Variants in RBFOX1 observed in about 807,000 individuals in gnomAD.
RBFOX1 encodes the protein RNA binding protein fox-1 homolog 1.
In RBFOX1, 8 loss-of-function variants were observed where a neutral mutation model predicts 57.7. The observed-to-expected ratio is 0.14, with a 90% confidence interval of 0.08 to 0.25. RBFOX1 has a LOEUF of 0.25. Ranked by LOEUF, RBFOX1 falls within the 10% of genes least tolerant of loss-of-function variation. RBFOX1 has a pLI of 1.00. For synonymous variants in RBFOX1, 326 were observed against 222.4 expected (o/e 1.47, Z -4.15); for missense variants, 611 against 548.5 (o/e 1.11, Z -1.14).
At chr16:5,696,453 A>G (rs1179338479) in intron 3 of RBFOX1, among the ~76,000 whole-genome samples, 1 of 152,204 alleles carries the variant, frequency 6.6e-6, no homozygotes, top group East Asian at 1.9e-4. Context: ...TACTTATTCA[A>G]GGCTGTAAGA....
At chr16:6,266,634 AACC>A (rs2074535061) in intron 1 of RBFOX1, among the ~76,000 whole-genome samples, 1 of 151,960 alleles carries the variant, frequency 6.6e-6, no homozygotes, top group African/African-American at 2.4e-5. Flanking sequence ...GAGTCCCTTG[AACC>A]CAGGAGGCGA....
intron 3 of RBFOX1, among the ~76,000 whole-genome samples, chr16:7,004,332 A>C (rs746260940): frequency 2.6e-5 from 4 of 152,158 alleles, no homozygotes; most frequent in African/African-American, 9.7e-5. Context: ...TTGTGTATTA[A>C]ACTCCTCAAC....
rs115585118 is a variant in RBFOX1 at position 6,196,744 on chromosome 16, A to C, written c.-126-120251A>C. On this transcript the variant is annotated intron_variant, in intron 1 of 15. Coordinates refer to ENST00000550418, the MANE Select transcript of RBFOX1 (RefSeq NM_018723.4). ...AGGCAATTTATCCTTAATACAAGCG[A>C]TATAAATGGGGCTATGCAATCCTTA... is the stretch of plus-strand genomic sequence containing the variant. Among the ~76,000 whole-genome samples the C allele has an allele frequency of 3.2e-3, 479 of 151,554 alleles. 1 individual carries two copies. Among genetic ancestry groups the C allele is most frequent in the African/African-American group, 0.01 (427 of 41,338 alleles).
intron 3 of RBFOX1, among the ~76,000 whole-genome samples, chr16:6,917,143 AC>A (rs763367054): frequency 5.9e-5 from 9 of 152,078 alleles, no homozygotes; most frequent in Non-Finnish European, 1.0e-4. Flanking sequence ...GAGCCACTGT[AC>A]CCAGCCTGCA....
chr16:7,156,799 C>G (rs542387669), intron 4 of RBFOX1, among the ~76,000 whole-genome samples: 1 of 152,158 alleles, frequency 6.6e-6, no homozygotes, highest in South Asian at 2.1e-4. Flanking sequence ...ACTTCTATCT[C>G]TCTGTACTTG....
intron 1 of RBFOX1, among the ~76,000 whole-genome samples, chr16:6,069,534 A>T (rs990327278): frequency 6.6e-6 from 1 of 151,904 alleles, no homozygotes; most frequent in Non-Finnish European, 1.5e-5. Context: ...GATAAACAAG[A>T]TTAATTTTGG....
In RBFOX1 at chr16:5,425,395, C is replaced by T. The variant is rs183922937; in HGVS notation, c.220-41821C>T. Among the ~76,000 whole-genome samples, 11 of 152,228 alleles carry T rather than the reference C, an allele frequency of 7.2e-5. No homozygotes were observed. In the East Asian group the frequency reaches 9.7e-4, roughly 13 times the overall value. On this transcript the variant is annotated intron_variant, in intron 1 of 2. Transcript: ENST00000585867. ...CTGGGATTACAGGCATGAGCCACCG[C>T]GCCCGGCCAGCATGTGTGTTTTCTA...
At chr16:6,526,146 A>G (rs750995447) in intron 2 of RBFOX1, among the ~76,000 whole-genome samples, 3 of 152,246 alleles carry the variant, frequency 2.0e-5, no homozygotes, top group African/African-American at 7.2e-5. Context: ...ATGCAATTCA[A>G]TAAACATCCA....
chr16:7,222,148 C>T (rs55845449), intron 4 of RBFOX1, among the ~76,000 whole-genome samples: 58,399 of 151,596 alleles, frequency 0.39, 11,709 homozygotes, highest in East Asian at 0.67. Flanking sequence ...TTCGTTGTTT[C>T]AAAAGCCCAG....
chr16:7,297,224 T>G (rs899092728), intron 4 of RBFOX1, among the ~76,000 whole-genome samples: 1 of 152,214 alleles, frequency 6.6e-6, no homozygotes, highest in Non-Finnish European at 1.5e-5. Context: ...TTTCCACATC[T>G]TCCTGCTTTA....
chr16:6,021,364 A>T (rs4786074), intron 1 of RBFOX1, among the ~76,000 whole-genome samples: 2 of 152,022 alleles, frequency 1.3e-5, no homozygotes, highest in Admixed American at 1.3e-4. Flanking sequence ...GAGAAAAAAA[A>T]GATGAGAGGG....
intron 4 of RBFOX1, among the ~76,000 whole-genome samples, chr16:5,878,672 C>G (rs1170493481): frequency 6.6e-6 from 1 of 151,788 alleles, no homozygotes; most frequent in African/African-American, 2.4e-5. Context: ...TCCCACTTAC[C>G]TCACCGGAAT....
intron 3 of RBFOX1, among the ~76,000 whole-genome samples, chr16:6,662,469 C>T (rs1001911040): frequency 6.6e-6 from 1 of 152,130 alleles, no homozygotes; most frequent in African/African-American, 2.4e-5. Context: ...AAGAGGAACA[C>T]ATTTTCCTGC....
At chr16:5,923,926 G>A (rs1017509281) in intron 4 of RBFOX1, among the ~76,000 whole-genome samples, 1 of 152,088 alleles carries the variant, frequency 6.6e-6, no homozygotes, top group African/African-American at 2.4e-5. Flanking sequence ...GACATGGTTT[G>A]TCTGTGTCTC....
intron 1 of RBFOX1, among the ~76,000 whole-genome samples, chr16:6,145,070 G>T (rs369496032): frequency 6.6e-6 from 1 of 151,902 alleles, no homozygotes; most frequent in South Asian, 2.1e-4. Context: ...GGGCACAAGT[G>T]CAGGTTTGTT....
chr16:6,126,220 C>T (rs2096588626), intron 1 of RBFOX1, among the ~76,000 whole-genome samples: 1 of 152,188 alleles, frequency 6.6e-6, no homozygotes, highest in Non-Finnish European at 1.5e-5. Flanking sequence ...CAAACTAGAG[C>T]AACTTCATTC....
At chr16:5,447,193 G>C (rs2068268981) in intron 1 of RBFOX1, among the ~76,000 whole-genome samples, 1 of 152,070 alleles carries the variant, frequency 6.6e-6, no homozygotes, top group Non-Finnish European at 1.5e-5. Context: ...TCCCCTCAAA[G>C]GAGTATTGTC....
At chr16:5,658,478 A>T (rs1567358213) in intron 3 of RBFOX1, among the ~76,000 whole-genome samples, 1 of 152,026 alleles carries the variant, frequency 6.6e-6, no homozygotes, top group Non-Finnish European at 1.5e-5. Context: ...GTGCTTCTTG[A>T]CCCTGGAAAA....
intron 4 of RBFOX1, among the ~76,000 whole-genome samples, chr16:5,913,775 A>G (rs967782500): frequency 2.0e-5 from 3 of 152,270 alleles, no homozygotes; most frequent in African/African-American, 7.2e-5. Flanking sequence ...ATAATTGTGC[A>G]TTCTGGCCTT....
Sources: allele counts gnomAD v4.1 joint callset (sites outside exome capture counted in the v4.1 genomes callset), GRCh38; gene constraint gnomAD v4.1.1; transcripts MANE v1.5; gene names NCBI Gene and HGNC (gene_info 2026-07-23, HGNC 2026-07-21).